The following ITSN2 variants were observed in gnomAD, a reference collection of about 807,000 sequenced individuals.
The protein encoded by ITSN2 is intersectin 2, also known as intersectin-2.
Under a neutral mutation model 243.7 loss-of-function variants are expected in ITSN2, and 156 were observed. That is an observed-to-expected ratio of 0.64 (90% confidence interval 0.56 to 0.73). The LOEUF (loss-of-function observed/expected upper bound fraction) is 0.73, where lower values mean the gene tolerates loss of function less well. Ranked by LOEUF, ITSN2 falls within the 30% of genes least tolerant of loss-of-function variation. The probability of loss-of-function intolerance (pLI) is 0.00; values close to 1 mark genes in which losing one functional copy is unlikely to be tolerated. For synonymous variants in ITSN2, 703 were observed against 699.9 expected (o/e 1.00, Z -0.07); for missense variants, 1,801 against 1,996.1 (o/e 0.90, Z 1.86).
intron 31 of ITSN2, 34 bp downstream of exon 31, chr2:24,217,873 T>A: frequency 6.8e-7 from 1 of 1,468,670 alleles, no homozygotes; most frequent in Non-Finnish European, 9.5e-7. Flanking sequence ...GGCTTTGGGG[T>A]CAGCGGCAAT....
At chr2:24,227,648 T>C (rs993424196) in intron 29 of ITSN2, among the ~76,000 whole-genome samples, 2 of 152,168 alleles carry the variant, frequency 1.3e-5, no homozygotes, top group African/African-American at 4.8e-5. Context: ...AGGCTGGGCA[T>C]GGTGGCTCAC....
intron 18 of ITSN2, among the ~76,000 whole-genome samples, chr2:24,274,207 T>C (rs1677731292): frequency 6.6e-6 from 1 of 152,210 alleles, no homozygotes; most frequent in Non-Finnish European, 1.5e-5. Flanking sequence ...CTGTAAGAGC[T>C]ACTTCGTTTG....
intron 29 of ITSN2, among the ~76,000 whole-genome samples, chr2:24,223,987 G>A (rs1350146139): frequency 2.0e-5 from 3 of 152,110 alleles, no homozygotes; most frequent in African/African-American, 4.8e-5. Context: ...CTGCCAGGGG[G>A]AACTGCAGAG....
intron 15 of ITSN2, 195 bp downstream of exon 15, chr2:24,293,487 ATTTTAT>A (rs1054513949): frequency 2.3e-5 from 8 of 353,916 alleles, no homozygotes; most frequent in African/African-American, 1.3e-4. Context: ...AATCATTACT[ATTTTAT>A]TTTTATCTAC....
rs1170019628 is a variant in ITSN2 at position 24,251,369 on chromosome 2, G to GTATATATATA, written c.3120+975_3120+976insTATATATATA. Among the ~76,000 whole-genome samples the GTATATATATA allele has an allele frequency of 6.9e-3, 29 of 4,220 alleles. 12 individuals are homozygous for GTATATATATA. The highest frequency in any genetic ancestry group is 0.027 in the East Asian group (2 of 74). 2.8% of individuals were successfully genotyped at this position (4,220 alleles called of 152,430 possible). The stretch of plus-strand genomic sequence containing the variant: ...TATATGTGTGTGTGTGTGTGTGTGT[G>GTATATATATA]TGTATATATGTATGTGTATATATAT... On this transcript the variant is annotated intron_variant, in intron 25 of 39. Coordinates refer to ENST00000355123, the MANE Select transcript of ITSN2 (RefSeq NM_006277.3).
intron 29 of ITSN2, among the ~76,000 whole-genome samples, chr2:24,232,584 T>C (rs540640646): frequency 6.6e-6 from 1 of 152,346 alleles, no homozygotes; most frequent in South Asian, 2.1e-4. Flanking sequence ...AGTTTCATCA[T>C]GTTAGAACTT....
chr2:24,332,782 T>C (rs1685929021), intron 1 of ITSN2, among the ~76,000 whole-genome samples: 1 of 152,188 alleles, frequency 6.6e-6, no homozygotes, highest in South Asian at 2.1e-4. Context: ...ATTTTGAAAA[T>C]GCAACAGATA....
chr2:24,288,845 GT>G (rs1309476374), intron 15 of ITSN2, among the ~76,000 whole-genome samples: 6 of 152,138 alleles, frequency 3.9e-5, no homozygotes, highest in African/African-American at 1.4e-4. Flanking sequence ...ACCAGCCCTG[GT>G]AGCCACCATT....
intron 1 of ITSN2, chr2:24,334,489 G>A: frequency 8.8e-6 from 6 of 680,386 alleles, no homozygotes; most frequent in South Asian, 5.5e-5. Flanking sequence ...ATTACTTTCC[G>A]TGCCAATAGC....
intron 1 of ITSN2, among the ~76,000 whole-genome samples, chr2:24,351,173 A>C (rs367926123): frequency 3.3e-4 from 50 of 152,202 alleles, no homozygotes; most frequent in Non-Finnish European, 5.3e-4. Flanking sequence ...CTGCCTTCTG[A>C]GTGACACTTC....
intron 2 of ITSN2, among the ~76,000 whole-genome samples, chr2:24,324,163 C>T (rs562768169): frequency 2.0e-5 from 3 of 152,206 alleles, no homozygotes; most frequent in African/African-American, 7.2e-5. Flanking sequence ...ACCCAGTAGG[C>T]GGAGCTTGCA....
intron 14 of ITSN2, among the ~76,000 whole-genome samples, 173 bp downstream of exon 14, chr2:24,295,490 GT>G (rs1680834545): frequency 6.6e-6 from 1 of 152,064 alleles, no homozygotes; most frequent in African/African-American, 2.4e-5. Flanking sequence ...TGTATTTTTA[GT>G]AGAGACGGGG....
At chr2:24,276,906 C>T (rs1343673073) in intron 17 of ITSN2, among the ~76,000 whole-genome samples, 1 of 152,090 alleles carries the variant, frequency 6.6e-6, no homozygotes, top group Non-Finnish European at 1.5e-5. Flanking sequence ...TGCCTCACAA[C>T]CAAATAAGAC....
intron 1 of ITSN2, chr2:24,334,426 G>C: frequency 2.1e-6 from 1 of 476,316 alleles, no homozygotes; most frequent in Non-Finnish European, 4.0e-6. Context: ...CCTTGGCCCA[G>C]CCAAGGTTAA....
At chr2:24,217,714 C>T (rs1222157717) in intron 31 of ITSN2, among the ~76,000 whole-genome samples, 193 bp downstream of exon 31, 1 of 152,122 alleles carries the variant, frequency 6.6e-6, no homozygotes, top group East Asian at 1.9e-4. Context: ...TGTTATATTT[C>T]TTTACTTTCT....
chr2:24,270,114 C>G (rs1677163219), intron 20 of ITSN2, among the ~76,000 whole-genome samples: 1 of 152,174 alleles, frequency 6.6e-6, no homozygotes, highest in African/African-American at 2.4e-5. Context: ...GCTAGATACT[C>G]TGGTTAACAT....
chr2:24,325,517 ACAGAACCCTTT>A (rs1685073623), intron 2 of ITSN2, among the ~76,000 whole-genome samples: 1 of 152,130 alleles, frequency 6.6e-6, no homozygotes, highest in African/African-American at 2.4e-5. Flanking sequence ...ATATCAACTA[ACAGAACCCTTT>A]GAAAAGGCAA....
chr2:24,245,952 A>C (rs1673309979), intron 29 of ITSN2, among the ~76,000 whole-genome samples, 177 bp downstream of exon 29: 1 of 152,226 alleles, frequency 6.6e-6, no homozygotes, highest in Admixed American at 6.5e-5. Flanking sequence ...ATTTAAAATA[A>C]AGCTGTATAA....
At chr2:24,357,308 G>A (rs1688535484) in intron 1 of ITSN2, among the ~76,000 whole-genome samples, 1 of 152,214 alleles carries the variant, frequency 6.6e-6, no homozygotes, top group African/African-American at 2.4e-5. Context: ...AAAAAGGAAT[G>A]AGATCATGTC....
Sources: gnomAD v4.1 joint callset for allele counts (sites outside exome capture counted in the v4.1 genomes callset) on GRCh38, gnomAD v4.1.1 for gene constraint, MANE v1.5 for transcripts, NCBI Gene and HGNC (gene_info 2026-07-23, HGNC 2026-07-21) for gene names.